POLR1D: variants seen among roughly 807,000 people sequenced by gnomAD.
The protein encoded by POLR1D is DNA-directed RNA polymerases I and III subunit RPAC2.
POLR1D carries 8 observed loss-of-function variants against 10.8 expected under a neutral mutation model. The observed-to-expected ratio is 0.74, with a 90% CI of 0.43 to 1.33. The LOEUF (loss-of-function observed/expected upper bound fraction) is 1.33, where lower values mean the gene tolerates loss of function less well. Among genes scored for constraint, POLR1D ranks in the 40% most tolerant of loss-of-function variants. POLR1D has a pLI of 0.01. For synonymous variants in POLR1D, 54 were observed against 57.2 expected (o/e 0.94, Z 0.25); for missense variants, 152 against 161.7 (o/e 0.94, Z 0.32).
upstream of POLR1D, chr13:27,621,884 C>G (rs1955931301): frequency 5.5e-6 from 7 of 1,279,642 alleles, no homozygotes; most frequent in South Asian, 7.6e-5. Context: ...CGCCTTCCGT[C>G]GGTCGGTCCT....
chr13:27,631,010 T>C (rs957429805), intron 1 of POLR1D, among the ~76,000 whole-genome samples: 1 of 152,238 alleles, frequency 6.6e-6, no homozygotes, highest in African/African-American at 2.4e-5. Flanking sequence ...TCTCTTCCCC[T>C]AAATCTTCAC....
chr13:27,636,821 T>A (rs924486535), intron 1 of POLR1D, among the ~76,000 whole-genome samples: 4 of 152,196 alleles, frequency 2.6e-5, no homozygotes, highest in African/African-American at 9.6e-5. Context: ...TTAGCATTGC[T>A]CCATCCAATT....
At chr13:27,623,459 C>T (rs183082231), downstream of POLR1D, 3 of 1,153,566 alleles carry the variant, frequency 2.6e-6, no homozygotes, top group Admixed American at 3.2e-5. Context: ...ACTAGTTTGA[C>T]TGGTTTCTGT....
At chr13:27,622,142 G>C (rs929361828) in intron 1 of POLR1D, 133 bp downstream of exon 1, 23 of 755,784 alleles carry the variant, frequency 3.0e-5, no homozygotes, top group Non-Finnish European at 2.8e-5. Context: ...GAGAAGTGGG[G>C]AGGAGACATG....
chr13:27,645,975 T>C (rs1285318461), intron 1 of POLR1D, among the ~76,000 whole-genome samples: 2 of 152,234 alleles, frequency 1.3e-5, no homozygotes, highest in Non-Finnish European at 2.9e-5. Flanking sequence ...TGCAAGAATC[T>C]TTACTGAGTA....
Position 27,623,139 on chromosome 13 carries a change from G to T in POLR1D, c.291G>T (p.Gln97His), listed in dbSNP as rs1209220399. 6.2e-7 allele frequency: 1 copy of T among 1,614,186 alleles called. No homozygotes were observed. The highest frequency in any genetic ancestry group is 1.1e-5 in the South Asian group (1 of 91,082). Residue 97 changes from glutamine to histidine, a missense_variant, in exon 2 of 2, where the codon CAG becomes CAT. Gln to His is a conservative substitution (Grantham distance 24). Coordinates refer to ENST00000302979, the MANE Select transcript of POLR1D (RefSeq NM_015972.4). ...RGTLPAVEPFQRGLNELMNVC... is the reference protein window; with the variant it reads ...RGTLPAVEPFHRGLNELMNVC... ...CCCTTCCAGCTGTTGAGCCATTTCA[G>T]AGAGGCCTGAATGAGCTCATGAATG...
In POLR1D at chr13:27,630,154, G is replaced by A. The variant is rs375477569; in HGVS notation, c.26+8145G>A. On this transcript the variant is annotated intron_variant, in intron 1 of 2. Transcript: ENST00000399697. ...TCTTGAACTCCTGACCTCGTGATCC[G>A]CCCGCCTCCGGCTCCCAAAGTGCTG... 1.9e-3 allele frequency among the ~76,000 whole-genome samples: 288 copies of A among 152,024 alleles called. 1 individual carries two copies. Among genetic ancestry groups the A allele is most frequent in the Non-Finnish European group, 3.5e-3 (237 of 67,978 alleles).
intron 1 of POLR1D, among the ~76,000 whole-genome samples, chr13:27,636,353 G>C (rs1445131284): frequency 5.3e-5 from 8 of 152,110 alleles, no homozygotes; most frequent in Admixed American, 5.2e-4. Flanking sequence ...GGTTTTATAT[G>C]ACAAAGTTAA....
At chr13:27,654,297 T>C (rs1217798540) in intron 2 of POLR1D, among the ~76,000 whole-genome samples, 1 of 152,248 alleles carries the variant, frequency 6.6e-6, no homozygotes, top group Non-Finnish European at 1.5e-5. Context: ...CTACTTATTC[T>C]TGATTTTGTA....
chr13:27,641,039 C>A (rs866192167), intron 1 of POLR1D, among the ~76,000 whole-genome samples: 4 of 152,142 alleles, frequency 2.6e-5, no homozygotes, highest in Admixed American at 1.3e-4. Flanking sequence ...GTGTTATTTT[C>A]ATTGTATTGT....
intron 1 of POLR1D, among the ~76,000 whole-genome samples, chr13:27,640,232 A>G (rs666466): frequency 0.29 from 43,862 of 152,058 alleles, 7,776 homozygotes; most frequent in Admixed American, 0.42. Context: ...GAGCAGCCCT[A>G]TATATCACAA....
chr13:27,625,665 A>G (rs1313909458), downstream of POLR1D, among the ~76,000 whole-genome samples: 1 of 152,128 alleles, frequency 6.6e-6, no homozygotes, highest in East Asian at 1.9e-4. Flanking sequence ...TGATTAAAAA[A>G]AAAAAAATAG....
chr13:27,626,805 C>G (rs1956014985), downstream of POLR1D, among the ~76,000 whole-genome samples: 1 of 152,172 alleles, frequency 6.6e-6, no homozygotes, highest in African/African-American at 2.4e-5. Context: ...TTTCAAAGTA[C>G]TTTACAAGCT....
At chr13:27,662,608 G>T (rs1264683680) in intron 2 of POLR1D, among the ~76,000 whole-genome samples, 1 of 152,172 alleles carries the variant, frequency 6.6e-6, no homozygotes, top group Non-Finnish European at 1.5e-5. Flanking sequence ...CTGTATGCCA[G>T]ATACCATGCT....
At chr13:27,662,464 A>C (rs1287626877) in intron 2 of POLR1D, among the ~76,000 whole-genome samples, 2 of 152,174 alleles carry the variant, frequency 1.3e-5, no homozygotes, top group South Asian at 4.1e-4. Flanking sequence ...AAATAGCCCA[A>C]AGTCAGGTCA....
At chr13:27,665,772 A>G (rs769292014) in exon 3 of POLR1D, 2 of 1,613,978 alleles carry the variant, frequency 1.2e-6, no homozygotes, top group Non-Finnish European at 1.7e-6. Flanking sequence ...GAGCAAGACC[A>G]TGAACAAAAA....
intron 1 of POLR1D, among the ~76,000 whole-genome samples, chr13:27,642,945 C>T (rs148472165): frequency 9.2e-5 from 14 of 152,272 alleles, no homozygotes; most frequent in Non-Finnish European, 1.2e-4. Context: ...CATTAATTTT[C>T]CTTTCAAACT....
At chr13:27,636,639 T>G (rs1239995514) in intron 1 of POLR1D, among the ~76,000 whole-genome samples, 2 of 152,180 alleles carry the variant, frequency 1.3e-5, no homozygotes, top group African/African-American at 4.8e-5. Flanking sequence ...GTCCCAAGCA[T>G]TTGTACTGAA....
chr13:27,638,560 T>C (rs927370388), intron 1 of POLR1D, among the ~76,000 whole-genome samples: 6 of 152,222 alleles, frequency 3.9e-5, no homozygotes, highest in African/African-American at 1.4e-4. Flanking sequence ...GGCTTTTAGC[T>C]TTGAGTATAA....
Sources: allele counts gnomAD v4.1 joint callset (sites outside exome capture counted in the v4.1 genomes callset), GRCh38; gene constraint gnomAD v4.1.1; transcripts MANE v1.5; gene names NCBI Gene and HGNC (gene_info 2026-07-23, HGNC 2026-07-21).